COX10: variants seen among roughly 807,000 people sequenced by gnomAD.
COX10 encodes the protein protoheme IX farnesyltransferase, mitochondrial.
Under a neutral mutation model 37.3 loss-of-function variants are expected in COX10, and 27 were observed. The ratio of observed to expected loss-of-function variants is 0.72; its 90% CI spans 0.53 to 1.00. The LOEUF (loss-of-function observed/expected upper bound fraction) is 1.00, where lower values mean the gene tolerates loss of function less well. COX10 is among the 50% of genes least tolerant of loss of function. The pLI, the probability that COX10 is intolerant of heterozygous loss-of-function variation, is 0.00. For missense variants in COX10, 475 were observed against 563.2 expected, an observed-to-expected ratio of 0.84 and a Z score of 1.59; for synonymous variants, 222 against 229.1, an observed-to-expected ratio of 0.97 and a Z score of 0.28.
intron 3 of COX10, among the ~76,000 whole-genome samples, chr17:14,079,084 T>C (rs1159830703): frequency 6.6e-6 from 1 of 152,204 alleles, no homozygotes; most frequent in Non-Finnish European, 1.5e-5. Flanking sequence ...TGACATTTAC[T>C]AGCCAGTGAG....
At chr17:14,199,961 G>A (rs1013545828) in intron 6 of COX10, among the ~76,000 whole-genome samples, 11 of 152,124 alleles carry the variant, frequency 7.2e-5, no homozygotes, top group African/African-American at 2.4e-4. Context: ...ACGCGCTACC[G>A]TGGGCCACAT....
At chr17:14,104,933 A>G (rs908639286) in intron 4 of COX10, among the ~76,000 whole-genome samples, 1 of 152,202 alleles carries the variant, frequency 6.6e-6, no homozygotes, top group Non-Finnish European at 1.5e-5. Flanking sequence ...GTGGCTTTAA[A>G]GCACATATGC....
At chr17:14,193,886 G>C (rs1442414406) in intron 6 of COX10, among the ~76,000 whole-genome samples, 4 of 150,748 alleles carry the variant, frequency 2.7e-5, no homozygotes, top group African/African-American at 9.7e-5. Context: ...AAGACAGTGT[G>C]GGACTTCCTA....
At chr17:14,117,565 A>C (rs544010774) in intron 4 of COX10, among the ~76,000 whole-genome samples, 1 of 152,158 alleles carries the variant, frequency 6.6e-6, no homozygotes, top group Non-Finnish European at 1.5e-5. Context: ...GGCGTGTGAC[A>C]GGGGTGTGGC....
chr17:14,203,191 T>C (rs910778766), intron 6 of COX10, among the ~76,000 whole-genome samples: 5 of 152,150 alleles, frequency 3.3e-5, no homozygotes, highest in African/African-American at 7.2e-5. Context: ...ATTATCAGCA[T>C]TAAAATTGAG....
chr17:14,140,031 C>T (rs978045773), intron 4 of COX10, among the ~76,000 whole-genome samples: 1 of 152,106 alleles, frequency 6.6e-6, no homozygotes, highest in Non-Finnish European at 1.5e-5. Flanking sequence ...TCAAACTAAC[C>T]TTCAAAAGAG....
rs1915678217 is a variant in COX10 at position 14,097,607 on chromosome 17, T to G, written c.500-4511T>G. ...TCACCCCATCAAGCTCTGGGGTGAA[T>G]AAAAAGAATAACAAGATACTTCCTC... is the stretch of plus-strand genomic sequence containing the variant. On this transcript the variant is annotated intron_variant, in intron 3 of 6. Transcript: ENST00000261643. Among the ~76,000 whole-genome samples, 3 of 152,102 alleles carry G rather than the reference T, an allele frequency of 2.0e-5. No homozygotes were observed. The South Asian group carries it at 6.2e-4, about 31-fold the overall frequency.
Position 14,074,432 on chromosome 17 carries a change from G to A in COX10, c.153G>A (p.Gln51=). 6.2e-7 allele frequency: 1 copy of A among 1,613,910 alleles called. No individual in the cohort carries two copies. The highest frequency in any genetic ancestry group is 8.5e-7 in the Non-Finnish European group (1 of 1,179,814). Residue 51 remains glutamine, a synonymous_variant, in exon 2 of 7, where the codon CAG becomes CAA. Transcript: ENST00000261643. ...TCAATAAGCAGTGGATTACATTTCA[G>A]CACTTTAGCTTCCTCAAACGCATGG... ...RNVNKQWITF[Q]HFSFLKRMYV...
chr17:14,160,417 A>G (rs1236181830), intron 5 of COX10, among the ~76,000 whole-genome samples: 1 of 152,224 alleles, frequency 6.6e-6, no homozygotes, highest in African/African-American at 2.4e-5. Context: ...TAAAAGGCAT[A>G]TAAATATTTT....
chr17:14,071,169 C>T (rs1429716032), intron 1 of COX10, among the ~76,000 whole-genome samples: 2 of 152,172 alleles, frequency 1.3e-5, no homozygotes, highest in Non-Finnish European at 2.9e-5. Flanking sequence ...AATATCTTCT[C>T]TGTATGGAGG....
chr17:14,151,568 C>G (rs1904895939), intron 4 of COX10, among the ~76,000 whole-genome samples: 1 of 121,112 alleles, frequency 8.3e-6, no homozygotes, highest in Non-Finnish European at 1.7e-5. Context: ...CACACACACA[C>G]ACACACGAGA....
rs910888525 is a variant in COX10 at position 14,117,583 on chromosome 17, T to C, written c.624+15341T>C. The stretch of plus-strand genomic sequence containing the variant: ...GTGTGACAGGGGTGTGGCTCACTCC[T>C]TCAGTAACCTGCTGCTCAAACCCGG... On this transcript the variant is annotated intron_variant, in intron 4 of 6. Transcript: ENST00000261643. 2.6e-5 allele frequency among the ~76,000 whole-genome samples: 4 copies of C among 152,316 alleles called. No individual in the cohort carries two copies. In the South Asian group the frequency reaches 8.3e-4, roughly 32 times the overall value.
At chr17:14,127,009 C>T (rs560657845) in intron 4 of COX10, among the ~76,000 whole-genome samples, 26 of 152,048 alleles carry the variant, frequency 1.7e-4, no homozygotes, top group Admixed American at 8.5e-4. Flanking sequence ...AATAGAATCA[C>T]GAATTTGGTG....
Position 14,207,394 on chromosome 17 carries a change from A to G in COX10, c.*181A>G, listed in dbSNP as rs1906744326. 1.3e-6 allele frequency: 1 copy of G among 775,884 alleles called. No homozygotes were observed. Among genetic ancestry groups the G allele is most frequent in the Non-Finnish European group, 2.0e-6 (1 of 507,980 alleles). 48.1% of individuals were successfully genotyped at this position (775,884 alleles called of 1,614,324 possible). On this transcript the variant is annotated 3_prime_UTR_variant, in exon 7 of 7. Coordinates refer to ENST00000261643, the MANE Select transcript of COX10 (RefSeq NM_001303.4). ...TATTACCCAAAATGCTCCCCAAATAAGAAATGCATCAGCTCAGTCAGTGAA... is the reference window on the plus strand; with the variant it reads ...TATTACCCAAAATGCTCCCCAAATAGGAAATGCATCAGCTCAGTCAGTGAA...
chr17:14,106,967 A>G (rs1453605252), intron 4 of COX10, among the ~76,000 whole-genome samples: 1 of 152,198 alleles, frequency 6.6e-6, no homozygotes, highest in Non-Finnish European at 1.5e-5. Flanking sequence ...TTATTTTAAT[A>G]CAAATGTAAT....
chr17:14,093,735 G>A (rs534312123), intron 3 of COX10, among the ~76,000 whole-genome samples: 413 of 152,334 alleles, frequency 2.7e-3, no homozygotes, highest in African/African-American at 9.4e-3. Flanking sequence ...AGAGGAAGAA[G>A]CGTCATCATG....
At chr17:14,196,873 C>G (rs55773604) in intron 6 of COX10, among the ~76,000 whole-genome samples, 1 of 152,022 alleles carries the variant, frequency 6.6e-6, no homozygotes, top group African/African-American at 2.4e-5. Flanking sequence ...CCTTTGAAGA[C>G]GCAGCTTGTT....
At chr17:14,079,052 A>G (rs1400058914) in intron 3 of COX10, among the ~76,000 whole-genome samples, 1 of 152,132 alleles carries the variant, frequency 6.6e-6, no homozygotes, top group African/African-American at 2.4e-5. Context: ...AGTCAAGCAC[A>G]CTTGAGTTCA....
At chr17:14,082,116 C>G (rs1447363271) in intron 3 of COX10, among the ~76,000 whole-genome samples, 1 of 152,144 alleles carries the variant, frequency 6.6e-6, no homozygotes, top group East Asian at 1.9e-4. Context: ...TACCAAGGAT[C>G]AGTGTGTACA....
Sources: allele counts gnomAD v4.1 joint callset (sites outside exome capture counted in the v4.1 genomes callset), GRCh38; gene constraint gnomAD v4.1.1; transcripts MANE v1.5; gene names NCBI Gene and HGNC (gene_info 2026-07-23, HGNC 2026-07-21).